The following ERBB4 variants were observed in gnomAD, a reference collection of about 807,000 sequenced individuals.
ERBB4 encodes the protein erb-b2 receptor tyrosine kinase 4.
A neutral mutation model predicts 158.0 loss-of-function variants in ERBB4; 42 were observed. The ratio of observed to expected loss-of-function variants is 0.27; its 90% CI spans 0.21 to 0.34. ERBB4 has a LOEUF of 0.34. Among genes scored for constraint, ERBB4 ranks in the 10% least tolerant of loss-of-function variants. The pLI, the probability that ERBB4 is intolerant of heterozygous loss-of-function variation, is 1.00. For synonymous variants in ERBB4, 583 were observed against 558.7 expected, an observed-to-expected ratio of 1.04 and a Z score of -0.61; for missense variants, 1,333 against 1,624.1, an observed-to-expected ratio of 0.82 and a Z score of 3.08.
At chr2:212,510,544 A>G (rs1691460454) in intron 1 of ERBB4, among the ~76,000 whole-genome samples, 1 of 152,022 alleles carries the variant, frequency 6.6e-6, no homozygotes, top group African/African-American at 2.4e-5. Context: ...AAGTTATAGG[A>G]AAAACAATTA....
intron 2 of ERBB4, among the ~76,000 whole-genome samples, chr2:212,104,273 C>G (rs1442067080): frequency 1.3e-5 from 2 of 151,904 alleles, no homozygotes; most frequent in South Asian, 2.1e-4. Flanking sequence ...TCTTGGGATC[C>G]CTAGCAGGTA....
chr2:211,993,704 C>G (rs370436345), intron 2 of ERBB4, among the ~76,000 whole-genome samples: 3 of 150,174 alleles, frequency 2.0e-5, no homozygotes, highest in African/African-American at 7.3e-5. Context: ...TTTTTGCCCC[C>G]GGTTATCTAT....
intron 1 of ERBB4, among the ~76,000 whole-genome samples, chr2:212,335,806 G>T (rs1327074011): frequency 1.3e-5 from 2 of 151,906 alleles, no homozygotes; most frequent in Non-Finnish European, 1.5e-5. Flanking sequence ...GCTCCCTTTT[G>T]TTACCTAGTT....
rs1234410860 is a variant in ERBB4 at position 211,871,375 on chromosome 2, T to C, written c.421+76055A>G. Among the ~76,000 whole-genome samples, 7 of 152,160 alleles carry C rather than the reference T, an allele frequency of 4.6e-5. No homozygotes were observed. The East Asian group carries it at 9.6e-4, about 21-fold the overall frequency. ...ACAATTTTGTGTTAACTGCTATATA[T>C]TGGGGCCATTTTTTCTGGTAGTTAA... On this transcript the variant is annotated intron_variant, in intron 3 of 27. Transcript: ENST00000342788.
At chr2:211,812,468 G>A (rs961188369) in intron 3 of ERBB4, among the ~76,000 whole-genome samples, 12 of 152,200 alleles carry the variant, frequency 7.9e-5, no homozygotes, top group African/African-American at 1.4e-4. Context: ...CTACTGGGAG[G>A]TGTCTCCCAG....
At chr2:212,141,579 A>G (rs1341220059) in intron 1 of ERBB4, among the ~76,000 whole-genome samples, 1 of 151,804 alleles carries the variant, frequency 6.6e-6, no homozygotes, top group African/African-American at 2.4e-5. Flanking sequence ...CTTCCCTCCA[A>G]TTTCCTTCAG....
At chr2:212,212,814 G>T (rs945628735) in intron 1 of ERBB4, among the ~76,000 whole-genome samples, 7 of 152,004 alleles carry the variant, frequency 4.6e-5, no homozygotes, top group African/African-American at 1.7e-4. Context: ...ACAAGCAATG[G>T]AAAAAGCATC....
chr2:212,126,853 C>T (rs992131155), intron 1 of ERBB4, among the ~76,000 whole-genome samples: 7 of 152,062 alleles, frequency 4.6e-5, no homozygotes, highest in African/African-American at 1.4e-4. Context: ...TGGGTATAGC[C>T]TAATAATTAG....
At chr2:212,351,417 T>C (rs1049031591) in intron 1 of ERBB4, among the ~76,000 whole-genome samples, 5 of 152,184 alleles carry the variant, frequency 3.3e-5, no homozygotes, top group African/African-American at 1.2e-4. Context: ...ATGGCAGCTT[T>C]AGCAAACTAA....
chr2:212,278,890 G>A (rs971347722), intron 1 of ERBB4, among the ~76,000 whole-genome samples: 11 of 151,546 alleles, frequency 7.3e-5, no homozygotes, highest in African/African-American at 2.4e-4. Flanking sequence ...AATAACATTT[G>A]ATTAGCTCTA....
intron 2 of ERBB4, among the ~76,000 whole-genome samples, chr2:212,079,246 A>G (rs2078363772): frequency 6.6e-6 from 1 of 151,794 alleles, no homozygotes; most frequent in Admixed American, 6.6e-5. Context: ...AATTATATCT[A>G]TTTTATTCCC....
intron 3 of ERBB4, among the ~76,000 whole-genome samples, chr2:211,808,259 G>T (rs1308955508): frequency 6.6e-6 from 1 of 152,160 alleles, no homozygotes; most frequent in African/African-American, 2.4e-5. Flanking sequence ...CATGGTTTTA[G>T]GTCTAACATT....
intron 20 of ERBB4, among the ~76,000 whole-genome samples, chr2:211,516,586 C>T (rs1304724457): frequency 6.6e-6 from 1 of 152,080 alleles, no homozygotes; most frequent in Non-Finnish European, 1.5e-5. Context: ...CTGCTGGACT[C>T]AGCCTCCCAG....
chr2:212,357,567 C>T (rs2089510564), intron 1 of ERBB4, among the ~76,000 whole-genome samples: 1 of 151,696 alleles, frequency 6.6e-6, no homozygotes, highest in African/African-American at 2.4e-5. Context: ...CTTTCTTTTT[C>T]CCATATTCAT....
chr2:212,455,459 G>GCGACCACCGAGATC, intron 1 of ERBB4, among the ~76,000 whole-genome samples: 1 of 151,962 alleles, frequency 6.6e-6, no homozygotes, highest in African/African-American at 2.4e-5. Flanking sequence ...GTCCAATATG[G>GCGACCACCGAGATC]TAGCCACTAG....
At chr2:211,411,260 T>C in intron 25 of ERBB4, among the ~76,000 whole-genome samples, 1 of 152,212 alleles carries the variant, frequency 6.6e-6, no homozygotes, top group Admixed American at 6.5e-5. Context: ...ATAACTGAAC[T>C]AATATATCCA....
At chr2:211,779,319 A>G (rs1232014572) in intron 4 of ERBB4, 1 of 152,126 alleles carries the variant, frequency 6.6e-6, no homozygotes, top group Non-Finnish European at 1.5e-5. Context: ...TCATCACTAG[A>G]TATTACCTTA....
chr2:212,122,683 C>A (rs1331257614), intron 2 of ERBB4, among the ~76,000 whole-genome samples: 2 of 151,968 alleles, frequency 1.3e-5, no homozygotes, highest in African/African-American at 4.8e-5. Context: ...AAAATATCTA[C>A]ATGCTACTTT....
chr2:211,578,337 C>CTGAATA (rs2067956038), intron 19 of ERBB4, among the ~76,000 whole-genome samples: 1 of 152,004 alleles, frequency 6.6e-6, no homozygotes, highest in African/African-American at 2.4e-5. Context: ...TTCCATGTTC[C>CTGAATA]TGAATAGGAA....
Sources: allele counts gnomAD v4.1 joint callset (sites outside exome capture counted in the v4.1 genomes callset), GRCh38; gene constraint gnomAD v4.1.1; transcripts MANE v1.5; gene names NCBI Gene and HGNC (gene_info 2026-07-23, HGNC 2026-07-21).